Variants in SYNJ2 observed in about 807,000 individuals in gnomAD.
The protein encoded by SYNJ2 is polyphosphatidylinositol phosphatase SYNJ2.
SYNJ2 carries 116 observed loss-of-function variants against 141.3 expected under a neutral mutation model. That is an observed-to-expected ratio of 0.82 (90% CI 0.71 to 0.96). SYNJ2 has a LOEUF of 0.96. SYNJ2 is among the 40% of genes least tolerant of loss of function. The pLI is 0.00. For synonymous variants in SYNJ2, 745 were observed against 777.7 expected (o/e 0.96, Z 0.70); for missense variants, 1,873 against 1,934.8 (o/e 0.97, Z 0.60).
chr6:158,075,555 C>T (rs1256875630), intron 16 of SYNJ2, among the ~76,000 whole-genome samples: 2 of 151,838 alleles, frequency 1.3e-5, no homozygotes, highest in East Asian at 2.0e-4. Context: ...GCAGGAGAAT[C>T]GCTTGAACCT....
Position 158,047,774 on chromosome 6 carries a change from C to CAAAAAAAAAAAAAAAAA in SYNJ2, c.795+4390_795+4406dup, listed in dbSNP as rs58147972. On this transcript the variant is annotated intron_variant, in intron 5 of 26. Transcript: ENST00000355585. ...CCTGGTCAACAGAGTGCGACTCTGT[C>CAAAAAAAAAAAAAAAAA]AAAAAAAAAAAAAAAAAAAAAAAAA... 4.0e-4 allele frequency among the ~76,000 whole-genome samples: 13 copies of CAAAAAAAAAAAAAAAAA among 32,384 alleles called. 3 individuals are homozygous for CAAAAAAAAAAAAAAAAA. The highest frequency in any genetic ancestry group is 6.1e-4 in the Non-Finnish European group (12 of 19,792). The allele number at this position is 32,384 out of a possible 152,430, so 21.2% of individuals were successfully genotyped here. A position where few individuals can be genotyped will look rare whatever the true frequency, so the allele number is the denominator to read the frequency against.
At position 157,982,753 on chromosome 6, in the gene SYNJ2, C is replaced by T. The variant is rs541409160; in HGVS notation, c.127+665C>T. The stretch of plus-strand genomic sequence containing the variant: ...GTGATCTCACTTAATTCTCACAATT[C>T]TACTAAAAAGCTATTATTATCCCCA... On this transcript the variant is annotated intron_variant, in intron 1 of 26. Coordinates refer to ENST00000355585, the MANE Select transcript of SYNJ2 (RefSeq NM_003898.4). The surrounding 1 kb of genome is among the most constrained non-coding windows in gnomAD (Gnocchi z 4.0). Among the ~76,000 whole-genome samples the T allele has an allele frequency of 6.6e-6, 1 of 152,312 alleles. No homozygotes were observed. The highest frequency in any genetic ancestry group is 1.9e-4 in the East Asian group (1 of 5,184).
intron 11 of SYNJ2, 151 bp from the exon 12 acceptor site, chr6:158,066,293 G>T: frequency 2.4e-6 from 2 of 844,708 alleles, no homozygotes; most frequent in South Asian, 3.6e-5. Flanking sequence ...GTGGTTTTAA[G>T]CCTTTTGTCG....
chr6:158,036,648 G>A (rs563952661), intron 4 of SYNJ2, among the ~76,000 whole-genome samples: 17 of 152,230 alleles, frequency 1.1e-4, no homozygotes, highest in Admixed American at 9.8e-4. Flanking sequence ...AGGAGGGAGA[G>A]GATCAGGAAA....
Position 158,095,670 on chromosome 6 carries a change from G to A in SYNJ2, c.3797G>A (p.Gly1266Glu), listed in dbSNP as rs765894767. 21 of 1,612,932 alleles carry A rather than the reference G, an allele frequency of 1.3e-5. No individual in the cohort carries two copies. The highest frequency in any genetic ancestry group is 1.8e-5 in the Non-Finnish European group (21 of 1,179,678). The change falls in exon 27 of 27, where the codon GGG becomes GAG. Residue 1266 changes from glycine to glutamate, a missense_variant. Transcript: ENST00000355585. ...FEQQTVHFTI[G>E]PPETSVEAPP... ...CAACAGACTGTCCATTTTACAATCG[G>A]GCCCCCGGAGACAAGCGTTGAGGCC...
At chr6:158,067,028 TG>T (rs766303522) in intron 12 of SYNJ2, among the ~76,000 whole-genome samples, 1 of 152,218 alleles carries the variant, frequency 6.6e-6, no homozygotes, top group Non-Finnish European at 1.5e-5. Context: ...TGTTGTTGTT[TG>T]TTTTTTTGAG....
intron 12 of SYNJ2, chr6:158,068,064 G>A (rs569812490): frequency 3.5e-6 from 3 of 869,408 alleles, no homozygotes; most frequent in Non-Finnish European, 4.1e-6. Flanking sequence ...AGATACACCA[G>A]GTTCCAGAGA....
At chr6:158,006,157 A>G (rs544632835) in intron 1 of SYNJ2, among the ~76,000 whole-genome samples, 4 of 152,284 alleles carry the variant, frequency 2.6e-5, no homozygotes, top group African/African-American at 7.2e-5. Flanking sequence ...CCTCTCCAGC[A>G]GCCTCTCCAT....
At chr6:158,044,011 C>T (rs1780099088) in intron 5 of SYNJ2, among the ~76,000 whole-genome samples, 1 of 152,238 alleles carries the variant, frequency 6.6e-6, no homozygotes, top group African/African-American at 2.4e-5. Context: ...ACGCTGCCTC[C>T]TTCACCAGGG....
intron 18 of SYNJ2, 176 bp downstream of exon 18, chr6:158,078,457 C>G (rs967561834): frequency 6.7e-6 from 3 of 447,986 alleles, no homozygotes; most frequent in African/African-American, 5.9e-5. Context: ...GTGGACCCAC[C>G]ACCAAGAACT....
chr6:157,984,927 G>A (rs1014993374), intron 1 of SYNJ2, among the ~76,000 whole-genome samples: 5 of 151,982 alleles, frequency 3.3e-5, no homozygotes, highest in East Asian at 1.9e-4. Flanking sequence ...TAACTGCTTC[G>A]TGGGTAGTGG....
At chr6:158,012,978 G>C (rs1384994618) in intron 1 of SYNJ2, among the ~76,000 whole-genome samples, 1 of 152,158 alleles carries the variant, frequency 6.6e-6, no homozygotes, top group Non-Finnish European at 1.5e-5. Flanking sequence ...TGAGCATTGG[G>C]GAAAATATTC....
Position 158,027,208 on chromosome 6 carries a change from G to A in SYNJ2, c.215-1548G>A. On this transcript the variant is annotated intron_variant, in intron 2 of 26. Transcript: ENST00000355585. The surrounding 1 kb of genome is among the most constrained non-coding windows in gnomAD (Gnocchi z 4.6). ...AGAGGGTGGTGGAACTGGTTGTTTT[G>A]GGGGTCTCTTCCTGGAGTGTGGAGA... 1.0e-5 allele frequency: 10 copies of A among 976,656 alleles called. No individual in the cohort carries two copies. The highest frequency in any genetic ancestry group is 1.2e-5 in the Non-Finnish European group (10 of 828,638). The allele number at this position is 976,656 out of a possible 1,614,324, so 60.5% of individuals were successfully genotyped here. A position where few individuals can be genotyped will look rare whatever the true frequency, so the allele number is the denominator to read the frequency against.
chr6:158,056,544 T>C (rs970239885), intron 6 of SYNJ2, among the ~76,000 whole-genome samples: 2 of 152,202 alleles, frequency 1.3e-5, no homozygotes, highest in African/African-American at 4.8e-5. Flanking sequence ...CATTGCTGAC[T>C]ATGTTCCCCT....
At chr6:158,080,991 G>T (rs1461228865) in intron 18 of SYNJ2, 118 bp from the exon 19 acceptor site, 2 of 909,984 alleles carry the variant, frequency 2.2e-6, no homozygotes, top group Non-Finnish European at 3.6e-6. Context: ...GGGGACAGCA[G>T]CTGGGGACTG....
At chr6:158,017,416 T>G (rs1273023478) in intron 2 of SYNJ2, 126 bp downstream of exon 2, 10 of 1,299,978 alleles carry the variant, frequency 7.7e-6, no homozygotes, top group Non-Finnish European at 1.0e-5. Flanking sequence ...TTTTTTTTTT[T>G]TTTTTTTTTT....
In SYNJ2 at chr6:158,095,810, C is replaced by T; in HGVS notation, c.3937C>T (p.Pro1313Ser). The T allele has an allele frequency of 6.2e-7, 1 of 1,614,206 alleles. No individual in the cohort carries two copies. The highest frequency in any genetic ancestry group is 8.5e-7 in the Non-Finnish European group (1 of 1,180,028). The change falls in exon 27 of 27, where the codon CCT becomes TCT. Residue 1313 changes from proline (P) to serine (S), a missense_variant. Transcript: ENST00000355585. ...GAAGCCAGCATCAGACGAAGCCCCT[C>T]CTGGGGCAGGAGCCTCTGTGCCACC... The part of the protein sequence containing the change: ...HRKPASDEAP[P>S]GAGASVPPPL...
chr6:157,984,012 C>A (rs1429872972), intron 1 of SYNJ2, among the ~76,000 whole-genome samples: 5 of 151,452 alleles, frequency 3.3e-5, no homozygotes, highest in South Asian at 2.1e-4. Context: ...TCTTTCTTTT[C>A]TTTTCTTTAA....
chr6:158,010,764 A>G lies in SYNJ2; in HGVS notation c.128-6440A>G, dbSNP rs564198638. ...TGACTGCTGTTCTAAGAAGATGTAC[A>G]TGTGACAATGGAGGGACATGTGGGG... On this transcript the variant is annotated intron_variant, in intron 1 of 26. Transcript: ENST00000355585. Among the ~76,000 whole-genome samples, 5 of 152,288 alleles carry G rather than the reference A, an allele frequency of 3.3e-5. No individual in the cohort carries two copies. The South Asian group carries it at 8.3e-4, about 25-fold the overall frequency.
Sources: allele counts gnomAD v4.1 joint callset (sites outside exome capture counted in the v4.1 genomes callset), GRCh38; gene constraint gnomAD v4.1.1; non-coding constraint Gnocchi (gnomAD v3.1); transcripts MANE v1.5; gene names NCBI Gene and HGNC (gene_info 2026-07-23, HGNC 2026-07-21).